Variants in MAGI2 observed in about 807,000 individuals in gnomAD.
MAGI2 encodes membrane-associated guanylate kinase, WW and PDZ domain-containing protein 2.
In MAGI2, 35 loss-of-function variants were observed where a neutral mutation model predicts 133.3. The observed-to-expected ratio is 0.26, with a 90% confidence interval of 0.20 to 0.35. MAGI2 has a LOEUF of 0.35. Among genes scored for constraint, MAGI2 ranks in the 10% least tolerant of loss-of-function variants. The probability of loss-of-function intolerance (pLI) is 1.00; values close to 1 mark genes in which losing one functional copy is unlikely to be tolerated. For synonymous variants in MAGI2, 729 were observed against 710.6 expected, an observed-to-expected ratio of 1.03 and a Z score of -0.41; for missense variants, 1,636 against 1,863.4, an observed-to-expected ratio of 0.88 and a Z score of 2.25.
At chr7:78,637,317 T>C (rs181510466) in intron 2 of MAGI2, among the ~76,000 whole-genome samples, 1 of 152,342 alleles carries the variant, frequency 6.6e-6, no homozygotes, top group East Asian at 1.9e-4. Flanking sequence ...AATATCTTTA[T>C]TATTTGAAGT....
intron 3 of MAGI2, among the ~76,000 whole-genome samples, chr7:78,626,630 AT>A (rs1808377055): frequency 6.6e-6 from 1 of 151,958 alleles, no homozygotes; most frequent in African/African-American, 2.4e-5. Context: ...CACAGATCAT[AT>A]TTTTTTCTAC....
chr7:79,389,847 A>T (rs1208039672), intron 1 of MAGI2, among the ~76,000 whole-genome samples: 1 of 152,048 alleles, frequency 6.6e-6, no homozygotes, highest in Non-Finnish European at 1.5e-5. Context: ...GTCTAGAGCT[A>T]TCCCCATGGT....
At chr7:78,390,781 T>C (rs1394616038) in intron 6 of MAGI2, among the ~76,000 whole-genome samples, 2 of 152,184 alleles carry the variant, frequency 1.3e-5, no homozygotes, top group Admixed American at 1.3e-4. Context: ...ACCTCAGTTA[T>C]TTAGCACCAT....
intron 20 of MAGI2, among the ~76,000 whole-genome samples, chr7:78,091,417 A>G (rs1434803707): frequency 1.3e-5 from 2 of 152,210 alleles, no homozygotes; most frequent in Non-Finnish European, 2.9e-5. Context: ...CCCAGAAACC[A>G]GAACTGTGAG....
intron 1 of MAGI2, among the ~76,000 whole-genome samples, chr7:79,154,748 T>C (rs1823597902): frequency 6.6e-6 from 1 of 152,178 alleles, no homozygotes; most frequent in African/African-American, 2.4e-5. Context: ...CTGACATTAC[T>C]TTTGTCTTTC....
At chr7:78,469,168 ACAT>A (rs1790940724) in intron 6 of MAGI2, among the ~76,000 whole-genome samples, 1 of 152,166 alleles carries the variant, frequency 6.6e-6, no homozygotes, top group Non-Finnish European at 1.5e-5. Context: ...TAAACTAAGC[ACAT>A]CATTATTAAT....
At chr7:78,919,310 A>G (rs1799048161) in intron 2 of MAGI2, among the ~76,000 whole-genome samples, 1 of 152,066 alleles carries the variant, frequency 6.6e-6, no homozygotes, top group African/African-American at 2.4e-5. Context: ...TGAATTCATT[A>G]ATATAGAACA....
At chr7:78,811,604 A>G (rs1019235510) in intron 2 of MAGI2, among the ~76,000 whole-genome samples, 8 of 152,346 alleles carry the variant, frequency 5.3e-5, no homozygotes, top group South Asian at 4.1e-4. Flanking sequence ...TTTTCCGCAC[A>G]TAAGGTGTTT....
intron 1 of MAGI2, among the ~76,000 whole-genome samples, chr7:79,020,307 G>T (rs987382042): frequency 2.0e-5 from 3 of 152,274 alleles, no homozygotes; most frequent in Non-Finnish European, 4.4e-5. Flanking sequence ...GCTCTTAAAA[G>T]CATTCAGTGT....
At chr7:79,077,100 T>C (rs951081574) in intron 1 of MAGI2, among the ~76,000 whole-genome samples, 1 of 152,164 alleles carries the variant, frequency 6.6e-6, no homozygotes, top group African/African-American at 2.4e-5. Context: ...ATAAAGCTCA[T>C]TTGTTACAGC....
chr7:78,952,964 C>G (rs908603163), intron 2 of MAGI2, among the ~76,000 whole-genome samples: 1 of 152,040 alleles, frequency 6.6e-6, no homozygotes, highest in African/African-American at 2.4e-5. Flanking sequence ...ATTGTTTGGA[C>G]CTACTAAAGT....
At chr7:79,121,988 T>A in intron 1 of MAGI2, among the ~76,000 whole-genome samples, 1 of 152,188 alleles carries the variant, frequency 6.6e-6, no homozygotes, top group East Asian at 1.9e-4. Context: ...ATTCAGTAGC[T>A]ATATCACTTT....
intron 2 of MAGI2, among the ~76,000 whole-genome samples, chr7:78,894,157 T>C (rs1311074457): frequency 6.6e-6 from 1 of 152,192 alleles, no homozygotes; most frequent in Non-Finnish European, 1.5e-5. Flanking sequence ...ATCCCAGCAC[T>C]TTGTGAGGCC....
chr7:79,054,202 T>G (rs868293001), intron 1 of MAGI2, among the ~76,000 whole-genome samples: 1 of 151,524 alleles, frequency 6.6e-6, no homozygotes, highest in Non-Finnish European at 1.5e-5. Context: ...TCTCAATCAA[T>G]CAATAAAAAT....
At position 79,021,055 on chromosome 7, in the gene MAGI2, C is replaced by G. The variant is rs144681381; in HGVS notation, c.302-13849G>C. On this transcript the variant is annotated intron_variant, in intron 1 of 21. Transcript: ENST00000354212. ...GCTTCACAGTGTGCATGCCCCAAGC[C>G]TTGTCAGCTTACAGGTGGTATTGGG... 1.4e-3 allele frequency among the ~76,000 whole-genome samples: 217 copies of G among 152,344 alleles called. 2 individuals are homozygous for G. Among genetic ancestry groups the G allele is most frequent in the African/African-American group, 5.0e-3 (209 of 41,582 alleles).
At chr7:79,340,163 T>C (rs1321191825) in intron 1 of MAGI2, among the ~76,000 whole-genome samples, 1 of 152,186 alleles carries the variant, frequency 6.6e-6, no homozygotes. Context: ...TATGAATATA[T>C]AGCTTCTGCC....
chr7:78,227,002 G>A (rs1454990151), intron 10 of MAGI2, among the ~76,000 whole-genome samples: 1 of 152,102 alleles, frequency 6.6e-6, no homozygotes, highest in Non-Finnish European at 1.5e-5. Context: ...GATATTTTGT[G>A]GGACAGCATC....
At chr7:78,797,358 T>A (rs1443406305) in intron 2 of MAGI2, among the ~76,000 whole-genome samples, 1 of 152,142 alleles carries the variant, frequency 6.6e-6, no homozygotes, top group Non-Finnish European at 1.5e-5. Context: ...ATTATTCTTT[T>A]TTCTTTTAAT....
At chr7:78,622,557 C>A (rs1257433612) in intron 3 of MAGI2, among the ~76,000 whole-genome samples, 1 of 151,902 alleles carries the variant, frequency 6.6e-6, no homozygotes, top group Non-Finnish European at 1.5e-5. Context: ...CCTGAAAGTA[C>A]CAACAGTGCA....
Sources: gnomAD v4.1 joint callset for allele counts (sites outside exome capture counted in the v4.1 genomes callset) on GRCh38, gnomAD v4.1.1 for gene constraint, MANE v1.5 for transcripts, NCBI Gene and HGNC (gene_info 2026-07-23, HGNC 2026-07-21) for gene names.